Variants in SPESP1 observed in about 807,000 individuals in gnomAD.
SPESP1 encodes sperm equatorial segment protein 1, also known as equatorial segment protein.
A neutral mutation model predicts 3.1 loss-of-function variants in SPESP1; 1 was observed. That is an observed-to-expected ratio of 0.33 (90% CI 0.12 to 1.54). The LOEUF (loss-of-function observed/expected upper bound fraction) is 1.54, where lower values mean the gene tolerates loss of function less well. Ranked by LOEUF, SPESP1 falls within the 40% of genes most tolerant of loss-of-function variation. SPESP1 has a pLI of 0.38. For synonymous variants in SPESP1, 138 were observed against 150.7 expected, an observed-to-expected ratio of 0.92 and a Z score of 0.62; for missense variants, 398 against 410.1, an observed-to-expected ratio of 0.97 and a Z score of 0.26.
intron 1 of SPESP1, among the ~76,000 whole-genome samples, chr15:68,932,350 A>C (rs997005295): frequency 1.3e-5 from 2 of 151,802 alleles, no homozygotes; most frequent in Non-Finnish European, 2.9e-5. Flanking sequence ...TCTCTTGCCT[A>C]ACACCATAAT....
intron 1 of SPESP1, among the ~76,000 whole-genome samples, chr15:68,939,542 A>T (rs1297385552): frequency 1.3e-5 from 2 of 152,250 alleles, no homozygotes; most frequent in African/African-American, 4.8e-5. Context: ...AGACCTGATT[A>T]GTAGAACTGA....
intron 1 of SPESP1, among the ~76,000 whole-genome samples, chr15:68,934,215 A>G (rs1373822175): frequency 2.0e-5 from 3 of 152,126 alleles, no homozygotes; most frequent in African/African-American, 7.2e-5. Flanking sequence ...CTAGATTGGT[A>G]TTATAAGAAG....
chr15:68,930,868 T>G, intron 1 of SPESP1, 151 bp downstream of exon 1: 1 of 1,218,962 alleles, frequency 8.2e-7, no homozygotes, highest in Non-Finnish European at 1.1e-6. Flanking sequence ...CGCCGAGGGG[T>G]GTCCCTCTCC....
At chr15:68,935,367 AG>A (rs1177453402) in intron 1 of SPESP1, among the ~76,000 whole-genome samples, 1 of 152,198 alleles carries the variant, frequency 6.6e-6, no homozygotes, top group Non-Finnish European at 1.5e-5. Context: ...GGTATAGCTG[AG>A]GTCACTCATG....
chr15:68,933,583 G>A (rs186438334), intron 1 of SPESP1, among the ~76,000 whole-genome samples: 10 of 151,866 alleles, frequency 6.6e-5, no homozygotes, highest in African/African-American at 2.4e-4. Context: ...CACAGGCCGG[G>A]CACGGTGTCT....
At chr15:68,944,967 C>T (rs1567065789) in intron 1 of SPESP1, among the ~76,000 whole-genome samples, 1 of 152,072 alleles carries the variant, frequency 6.6e-6, no homozygotes. Flanking sequence ...TTCAAACTAC[C>T]AAGTTGACAT....
intron 1 of SPESP1, among the ~76,000 whole-genome samples, chr15:68,935,292 C>G (rs555897674): frequency 2.0e-5 from 3 of 152,212 alleles, no homozygotes; most frequent in African/African-American, 7.2e-5. Flanking sequence ...GACTGCTCCC[C>G]AAATTTATCA....
chr15:68,937,934 GTAT>G (rs1486799051), intron 1 of SPESP1, among the ~76,000 whole-genome samples: 1 of 151,966 alleles, frequency 6.6e-6, no homozygotes, highest in African/African-American at 2.4e-5. Context: ...TATTTCACAT[GTAT>G]TATTTATTGA....
chr15:68,931,681 C>T (rs1419019382), intron 1 of SPESP1, among the ~76,000 whole-genome samples: 4 of 152,104 alleles, frequency 2.6e-5, no homozygotes, highest in African/African-American at 9.7e-5. Context: ...TGTCCCTCCC[C>T]GAAAGCTGAA....
intron 1 of SPESP1, among the ~76,000 whole-genome samples, chr15:68,933,723 G>A (rs1895611869): frequency 6.6e-6 from 1 of 152,006 alleles, no homozygotes; most frequent in South Asian, 2.1e-4. Context: ...GCCAGATGTG[G>A]TGGGGCAGGC....
intron 1 of SPESP1, among the ~76,000 whole-genome samples, chr15:68,937,561 T>C (rs1895714742): frequency 6.6e-6 from 1 of 151,692 alleles, no homozygotes; most frequent in African/African-American, 2.4e-5. Context: ...TAGGCATACG[T>C]GTGCCATGGT....
Position 68,946,112 on chromosome 15 carries a change from C to T in SPESP1, c.578C>T (p.Ser193Phe), listed in dbSNP as rs1895956301. ...GATAAGAGCACTGGCATTGGGATCT[C>T]TACAGAATCAGAAGATGTTCCTCAG... The part of the protein sequence containing the change: ...TLDKSTGIGI[S>F]TESEDVPQLS... The change falls in exon 2 of 2, where the codon TCT becomes TTT. Residue 193 changes from serine (S) to phenylalanine (F), a missense_variant. Transcript: ENST00000310673. 2 of 1,614,178 alleles carry T rather than the reference C, an allele frequency of 1.2e-6. No individual in the cohort carries two copies. Among genetic ancestry groups the T allele is most frequent in the East Asian group, 4.5e-5 (2 of 44,892 alleles).
Position 68,946,010 on chromosome 15 carries a change from C to G in SPESP1, c.476C>G (p.Pro159Arg). 6.2e-7 allele frequency: 1 copy of G among 1,614,130 alleles called. No homozygotes were observed. The highest frequency in any genetic ancestry group is 2.2e-5 in the East Asian group (1 of 44,880). ...PEPAAKQTEA[P>R]RMLPVVTESS... Reference sequence around the variant, plus strand: ...CCAGCTGCAAAACAAACTGAGGCACCAAGAATGTTGCCAGTTGTTACTGAA... The same window carrying G: ...CCAGCTGCAAAACAAACTGAGGCACGAAGAATGTTGCCAGTTGTTACTGAA... Residue 159 changes from proline to arginine, a missense_variant, in exon 2 of 2, where the codon CCA becomes CGA. Coordinates refer to ENST00000310673, the MANE Select transcript of SPESP1 (RefSeq NM_145658.4).
At chr15:68,940,287 CA>C (rs994720150) in intron 1 of SPESP1, among the ~76,000 whole-genome samples, 3 of 152,188 alleles carry the variant, frequency 2.0e-5, no homozygotes, top group Non-Finnish European at 4.4e-5. Flanking sequence ...ACACTCTCCC[CA>C]ATTTCTCGGG....
At chr15:68,937,764 T>C (rs1376866328) in intron 1 of SPESP1, among the ~76,000 whole-genome samples, 1 of 152,178 alleles carries the variant, frequency 6.6e-6, no homozygotes, top group Admixed American at 6.5e-5. Context: ...AGTCCTAGGT[T>C]TTATCATTTA....
intron 1 of SPESP1, among the ~76,000 whole-genome samples, chr15:68,938,786 T>C (rs1376216007): frequency 6.6e-6 from 1 of 152,212 alleles, no homozygotes; most frequent in Non-Finnish European, 1.5e-5. Flanking sequence ...TGTTCAAATC[T>C]CATCCTTACT....
chr15:68,946,522 G>T lies in SPESP1; in HGVS notation c.988G>T (p.Val330Leu). The T allele has an allele frequency of 6.2e-7, 1 of 1,603,550 alleles. No individual in the cohort carries two copies. Among genetic ancestry groups the T allele is most frequent in the Non-Finnish European group, 8.5e-7 (1 of 1,177,504 alleles). The change falls in exon 2 of 2, where the codon GTA (valine) becomes TTA (leucine). Residue 330 changes from valine to leucine, a missense_variant. Coordinates refer to ENST00000310673, the MANE Select transcript of SPESP1 (RefSeq NM_145658.4). ...PPEMREKAAT[V>L]FNTLKNMCRS... ...AGAGATGAGAGAAAAAGCTGCTACA[G>T]TATTCAATACATTAAAAAATATGTG...
chr15:68,941,985 C>T (rs1895835791), intron 1 of SPESP1, among the ~76,000 whole-genome samples: 1 of 152,110 alleles, frequency 6.6e-6, no homozygotes, highest in Admixed American at 6.5e-5. Flanking sequence ...CCACCATGCC[C>T]AGCTAATTCT....
At chr15:68,940,621 C>T (rs1895795685) in intron 1 of SPESP1, among the ~76,000 whole-genome samples, 1 of 152,110 alleles carries the variant, frequency 6.6e-6, no homozygotes, top group African/African-American at 2.4e-5. Context: ...CTGGGTCATA[C>T]ATCCTTTAGT....
Sources: gnomAD v4.1 joint callset for allele counts (sites outside exome capture counted in the v4.1 genomes callset) on GRCh38, gnomAD v4.1.1 for gene constraint, MANE v1.5 for transcripts, NCBI Gene and HGNC (gene_info 2026-07-23, HGNC 2026-07-21) for gene names.